Variants in PRKG1 observed in about 807,000 individuals in gnomAD.
PRKG1 encodes the protein cGMP-dependent protein kinase 1.
PRKG1 carries 35 observed loss-of-function variants against 88.1 expected under a neutral mutation model. That is an observed-to-expected ratio of 0.40 (90% CI 0.30 to 0.53). The LOEUF is 0.53. Among genes scored for constraint, PRKG1 ranks in the 20% least tolerant of loss-of-function variants. PRKG1 has a pLI of 0.59. For missense variants in PRKG1, 540 were observed against 839.8 expected, an observed-to-expected ratio of 0.64 and a Z score of 4.41; for synonymous variants, 303 against 292.5, an observed-to-expected ratio of 1.04 and a Z score of -0.37.
intron 2 of PRKG1, among the ~76,000 whole-genome samples, chr10:51,439,578 C>G (rs1235882767): frequency 6.6e-6 from 1 of 151,840 alleles, no homozygotes; most frequent in South Asian, 2.1e-4. Flanking sequence ...GTAGAAATAT[C>G]GGTGGATTTT....
intron 3 of PRKG1, among the ~76,000 whole-genome samples, chr10:51,688,071 T>C (rs895580134): frequency 5.3e-5 from 8 of 152,212 alleles, no homozygotes; most frequent in African/African-American, 1.7e-4. Flanking sequence ...GTAGGTAAAT[T>C]AAAAATCCCT....
intron 5 of PRKG1, among the ~76,000 whole-genome samples, chr10:52,053,562 T>C (rs181381379): frequency 6.6e-6 from 1 of 152,190 alleles, no homozygotes; most frequent in Non-Finnish European, 1.5e-5. Context: ...TAGGGCCAGA[T>C]GGCACAGTTC....
At chr10:51,460,433 G>A (rs1388979246) in intron 2 of PRKG1, among the ~76,000 whole-genome samples, 3 of 152,114 alleles carry the variant, frequency 2.0e-5, no homozygotes, top group Non-Finnish European at 4.4e-5. Context: ...ATTATACATT[G>A]CTGGAATTAA....
intron 2 of PRKG1, among the ~76,000 whole-genome samples, chr10:51,326,218 T>C (rs1254464111): frequency 6.6e-6 from 1 of 152,230 alleles, no homozygotes; most frequent in African/African-American, 2.4e-5. Context: ...CCCAATTTAA[T>C]TTACTATTCA....
At chr10:52,200,190 T>G (rs1428004834) in intron 9 of PRKG1, among the ~76,000 whole-genome samples, 1 of 152,138 alleles carries the variant, frequency 6.6e-6, no homozygotes, top group African/African-American at 2.4e-5. Flanking sequence ...CAGACAGTTT[T>G]GCAATCCTCA....
intron 2 of PRKG1, among the ~76,000 whole-genome samples, chr10:51,192,946 T>G (rs1432614945): frequency 6.6e-6 from 1 of 152,020 alleles, no homozygotes. Flanking sequence ...TTTTGTAGTT[T>G]AGTGGAGGAA....
intron 12 of PRKG1, among the ~76,000 whole-genome samples, chr10:52,277,313 T>G (rs1841896776): frequency 6.6e-6 from 1 of 152,106 alleles, no homozygotes; most frequent in South Asian, 2.1e-4. Context: ...CAGAAGCACT[T>G]AAATAACAGA....
chr10:51,789,935 C>A (rs1838824622), intron 3 of PRKG1, among the ~76,000 whole-genome samples: 1 of 152,022 alleles, frequency 6.6e-6, no homozygotes, highest in African/African-American at 2.4e-5. Flanking sequence ...AATTCTTCTG[C>A]CTCAGCCTCC....
intron 7 of PRKG1, among the ~76,000 whole-genome samples, chr10:52,121,871 A>G (rs1038333723): frequency 1.3e-5 from 2 of 152,010 alleles, no homozygotes; most frequent in African/African-American, 4.8e-5. Flanking sequence ...AGCAGTCTCG[A>G]TTTTTTTCCT....
chr10:51,044,804 C>T (rs971502026), intron 1 of PRKG1, among the ~76,000 whole-genome samples: 2 of 152,158 alleles, frequency 1.3e-5, no homozygotes, highest in Non-Finnish European at 2.9e-5. Flanking sequence ...AAAGTGATAA[C>T]CCTTAAGAAA....
chr10:51,424,403 C>A (rs1391642484), intron 2 of PRKG1, among the ~76,000 whole-genome samples: 3 of 151,966 alleles, frequency 2.0e-5, no homozygotes, highest in South Asian at 4.1e-4. Flanking sequence ...AAGAAAAATT[C>A]TTTCAAGAAC....
At chr10:51,482,637 A>G (rs1162463517) in intron 3 of PRKG1, among the ~76,000 whole-genome samples, 3 of 152,096 alleles carry the variant, frequency 2.0e-5, no homozygotes, top group African/African-American at 4.8e-5. Context: ...TTCTGTTTAT[A>G]TTGCTCACCT....
chr10:51,292,515 C>CAGTAA (rs1840609632), intron 2 of PRKG1, among the ~76,000 whole-genome samples: 1 of 151,976 alleles, frequency 6.6e-6, no homozygotes, highest in Non-Finnish European at 1.5e-5. Flanking sequence ...TACAAAATAC[C>CAGTAA]TTTGAATCTT....
chr10:51,505,388 G>A (rs1841166973), intron 3 of PRKG1, among the ~76,000 whole-genome samples: 1 of 152,160 alleles, frequency 6.6e-6, no homozygotes, highest in Non-Finnish European at 1.5e-5. Flanking sequence ...TTTTATTGAG[G>A]ATTTTTGCAT....
intron 4 of PRKG1, among the ~76,000 whole-genome samples, chr10:51,809,874 A>T (rs1379539368): frequency 6.6e-6 from 1 of 152,108 alleles, no homozygotes; most frequent in African/African-American, 2.4e-5. Flanking sequence ...ACACTCTTCC[A>T]GACTCATCTC....
intron 2 of PRKG1, among the ~76,000 whole-genome samples, chr10:51,335,602 G>T (rs564022058): frequency 2.0e-5 from 3 of 152,124 alleles, no homozygotes; most frequent in Non-Finnish European, 4.4e-5. Context: ...CACGATGTCG[G>T]CTTACTGCAA....
In PRKG1 at chr10:52,204,455, C is replaced by T. The variant is rs368952317; in HGVS notation, c.1076+42492C>T. Among the ~76,000 whole-genome samples, 12 of 152,162 alleles carry T rather than the reference C, an allele frequency of 7.9e-5. No individual in the cohort carries two copies. In the South Asian group the frequency reaches 1.7e-3, roughly 21 times the overall value. On this transcript the variant is annotated intron_variant, in intron 9 of 17. Transcript: ENST00000373980. ...ATGCGTTGTGGGAAGTCAGGGACCC[C>T]GAATGGAGGGACTGGCTGAAGCCAT...
intron 1 of PRKG1, among the ~76,000 whole-genome samples, chr10:51,145,701 A>G (rs1370063391): frequency 6.6e-6 from 1 of 152,148 alleles, no homozygotes; most frequent in Non-Finnish European, 1.5e-5. Context: ...TGAACACCTA[A>G]AAGAACAACA....
rs796155559 is a variant in PRKG1 at position 51,972,842 on chromosome 10, G to GT, written c.762+65282dup. Among the ~76,000 whole-genome samples, 1,053 of 148,086 alleles carry GT rather than the reference G, an allele frequency of 7.1e-3. 6 individuals carry two copies. The highest frequency in any genetic ancestry group is 0.016 in the East Asian group (81 of 5,082). Reference sequence around the variant, plus strand: ...TTTTACAGTTCTGATTTGATATAGGGTTTTTTTTTTAACAACATTTTGTAT... The same window carrying GT: ...TTTTACAGTTCTGATTTGATATAGGGTTTTTTTTTTTAACAACATTTTGTAT... On this transcript the variant is annotated intron_variant, in intron 5 of 17. Transcript: ENST00000373980.
Sources: allele counts gnomAD v4.1 joint callset (sites outside exome capture counted in the v4.1 genomes callset), GRCh38; gene constraint gnomAD v4.1.1; transcripts MANE v1.5; gene names NCBI Gene and HGNC (gene_info 2026-07-23, HGNC 2026-07-21).